Variants in NAA25 observed in about 807,000 individuals in gnomAD.
NAA25 encodes N-alpha-acetyltransferase 25, NatB auxiliary subunit.
NAA25 carries 30 observed loss-of-function variants against 132.5 expected under a neutral mutation model. That is an observed-to-expected ratio of 0.23 (90% CI 0.17 to 0.31). The LOEUF (loss-of-function observed/expected upper bound fraction) is 0.31, where lower values mean the gene tolerates loss of function less well. NAA25 is among the 10% of genes least tolerant of loss of function. The pLI is 1.00. For synonymous variants in NAA25, 359 were observed against 401.9 expected, an observed-to-expected ratio of 0.89 and a Z score of 1.28; for missense variants, 771 against 1,150.4, an observed-to-expected ratio of 0.67 and a Z score of 4.77.
chr12:112,085,492 T>C (rs1443503995), intron 4 of NAA25, among the ~76,000 whole-genome samples: 1 of 152,106 alleles, frequency 6.6e-6, no homozygotes, highest in Non-Finnish European at 1.5e-5. Context: ...CCTGCTTGTC[T>C]CAATTAACAT....
At chr12:112,076,823 C>T (rs1271534032) in intron 7 of NAA25, among the ~76,000 whole-genome samples, 2 of 151,534 alleles carry the variant, frequency 1.3e-5, no homozygotes, top group Non-Finnish European at 2.9e-5. Flanking sequence ...TATTGAGACC[C>T]CACCTCTACA....
At position 112,043,819 on chromosome 12, in the gene NAA25, A is replaced by G; in HGVS notation, c.2056T>C (p.Trp686Arg). 6.2e-7 allele frequency: 1 copy of G among 1,614,098 alleles called. No homozygotes were observed. The highest frequency in any genetic ancestry group is 8.5e-7 in the Non-Finnish European group (1 of 1,179,932). Reference sequence around the variant, plus strand: ...AATGTTAAGGATCGGATTCTTAACCACAAGGTCTCCTCCTCTAAGGAAAGT... The same window carrying G: ...AATGTTAAGGATCGGATTCTTAACCGCAAGGTCTCCTCCTCTAAGGAAAGT... Reference protein sequence around the residue: ...KKLSLEEETLWLRIRSLTLRL... With the variant: ...KKLSLEEETLRLRIRSLTLRL... The change falls in exon 18 of 24, where the codon TGG (tryptophan) becomes CGG (arginine). Residue 686 changes from tryptophan (W) to arginine (R), a missense_variant. Transcript: ENST00000261745.
intron 13 of NAA25, among the ~76,000 whole-genome samples, chr12:112,058,141 C>T (rs955290249): frequency 1.3e-5 from 2 of 151,424 alleles, no homozygotes; most frequent in African/African-American, 4.9e-5. Context: ...AGCGAGACTC[C>T]ATCCCAAAAC....
rs190337282 is a variant in NAA25 at position 112,052,049 on chromosome 12, A to G, written c.1728+1509T>C. Among the ~76,000 whole-genome samples, 429 of 152,368 alleles carry G rather than the reference A, an allele frequency of 2.8e-3. 1 individual carries two copies. Among genetic ancestry groups the G allele is most frequent in the Non-Finnish European group, 4.4e-3 (301 of 68,036 alleles). ...AGCTATTTGAGAAACAAACCTTTGAAAAGGAATCTTCAGTAAATCAAATGT... is the reference window on the plus strand; with the variant it reads ...AGCTATTTGAGAAACAAACCTTTGAGAAGGAATCTTCAGTAAATCAAATGT... On this transcript the variant is annotated intron_variant, in intron 15 of 23. Coordinates refer to ENST00000261745, the MANE Select transcript of NAA25 (RefSeq NM_024953.4).
chr12:112,070,771 G>C (rs2078793374), intron 10 of NAA25, among the ~76,000 whole-genome samples: 1 of 151,978 alleles, frequency 6.6e-6, no homozygotes, highest in Non-Finnish European at 1.5e-5. Flanking sequence ...TTTTGAGACA[G>C]AGTCTCACTC....
chr12:112,087,596 CAT>C, intron 4 of NAA25, 85 bp downstream of exon 4: 2 of 858,168 alleles, frequency 2.3e-6, no homozygotes, highest in Non-Finnish European at 3.9e-6. Flanking sequence ...TACACACACA[CAT>C]ACCCAGTGCA....
chr12:112,078,644 G>A lies in NAA25; in HGVS notation c.575C>T (p.Ala192Val). 6.2e-7 allele frequency: 1 copy of A among 1,613,354 alleles called. No homozygotes were observed. Among genetic ancestry groups the A allele is most frequent in the Non-Finnish European group, 8.5e-7 (1 of 1,179,440 alleles). ...EKMVKEDKIE[A>V]EAEVELYYMI... Reference sequence around the variant, plus strand: ...GCTTAAAATACTCACTTCAGCCTCAGCTTCTATCTTGTCCTCTTTCACCAT... The same window carrying A: ...GCTTAAAATACTCACTTCAGCCTCAACTTCTATCTTGTCCTCTTTCACCAT... Residue 192 changes from alanine to valine, a missense_variant, in exon 6 of 24, where the codon GCT (alanine) becomes GTT (valine). Physicochemically the swap from Ala to Val is moderately conservative, Grantham distance 64 (BLOSUM62 0). Coordinates refer to ENST00000261745, the MANE Select transcript of NAA25 (RefSeq NM_024953.4).
intron 3 of NAA25, among the ~76,000 whole-genome samples, chr12:112,089,640 A>G (rs1013795264): frequency 1.3e-5 from 2 of 152,160 alleles, no homozygotes; most frequent in Non-Finnish European, 2.9e-5. Flanking sequence ...AAGGGAAGCA[A>G]GAGAATAAAA....
chr12:112,105,410 A>T (rs1394381697), intron 1 of NAA25, among the ~76,000 whole-genome samples: 1 of 152,220 alleles, frequency 6.6e-6, no homozygotes, highest in Non-Finnish European at 1.5e-5. Flanking sequence ...GCAAAAGGAG[A>T]CCAAATAATC....
At chr12:112,103,324 T>C (rs2079321041) in intron 1 of NAA25, among the ~76,000 whole-genome samples, 1 of 152,132 alleles carries the variant, frequency 6.6e-6, no homozygotes, top group African/African-American at 2.4e-5. Flanking sequence ...TGTTAACACT[T>C]GGCCAAAACT....
chr12:112,050,815 A>G (rs995321574), intron 15 of NAA25, among the ~76,000 whole-genome samples: 5 of 152,230 alleles, frequency 3.3e-5, no homozygotes, highest in Admixed American at 2.0e-4. Flanking sequence ...TAAGATGACA[A>G]CAGAAAATAA....
At chr12:112,087,906 A>T in intron 3 of NAA25, 105 bp from the exon 4 acceptor site, 1 of 721,150 alleles carries the variant, frequency 1.4e-6, no homozygotes, top group Non-Finnish European at 2.4e-6. Context: ...TCATTATAGA[A>T]GAAGTATCTG....
chr12:112,090,556 G>T, intron 3 of NAA25, 170 bp downstream of exon 3: 1 of 531,362 alleles, frequency 1.9e-6, no homozygotes, highest in Non-Finnish European at 3.2e-6. Context: ...GGATCCTAAT[G>T]CATGTAAACT....
chr12:112,055,883 T>G (rs577640628), intron 13 of NAA25, among the ~76,000 whole-genome samples: 1 of 152,292 alleles, frequency 6.6e-6, no homozygotes, highest in Non-Finnish European at 1.5e-5. Flanking sequence ...TAAGGTAATA[T>G]TCTATATGCT....
intron 1 of NAA25, among the ~76,000 whole-genome samples, chr12:112,100,389 C>T (rs1178073169): frequency 6.6e-6 from 1 of 152,008 alleles, no homozygotes; most frequent in Non-Finnish European, 1.5e-5. Context: ...TCTCGATCTC[C>T]TGACCTCGTG....
rs1201124315 is a variant in NAA25 at position 112,043,759 on chromosome 12, G to C, written c.2116C>G (p.Pro706Ala). The C allele has an allele frequency of 6.2e-7, 1 of 1,614,072 alleles. No individual in the cohort carries two copies. Among genetic ancestry groups the C allele is most frequent in the East Asian group, 2.2e-5 (1 of 44,872 alleles). The part of the protein sequence containing the change: ...LISGLPSLNH[P>A]VEPKNSEKTA... ...TTCTCCGAGTTCTTTGGCTCCACAG[G>C]GTGGTTGAGACTTGGAAGTCCACTT... The change falls in exon 18 of 24, where the codon CCT becomes GCT. Residue 706 changes from proline to alanine, a missense_variant. Physicochemically the swap from Pro to Ala is conservative, Grantham distance 27 (BLOSUM62 -1). Around this residue, in one of 3 missense-constraint regions of NAA25, gnomAD observed 324 missense variants for 400.0 expected, o/e 0.81. Transcript: ENST00000261745.
At chr12:112,104,792 C>T (rs369479091) in intron 1 of NAA25, among the ~76,000 whole-genome samples, 1 of 151,272 alleles carries the variant, frequency 6.6e-6, no homozygotes, top group African/African-American at 2.4e-5. Context: ...GCGGAGATCA[C>T]GCCACTGCAC....
At chr12:112,063,581 C>T (rs1165549837) in intron 11 of NAA25, among the ~76,000 whole-genome samples, 4 of 152,112 alleles carry the variant, frequency 2.6e-5, no homozygotes, top group African/African-American at 4.8e-5. Flanking sequence ...AGCAAACAGG[C>T]ATTTTGGAAT....
At chr12:112,040,267 G>T (rs560486086) in intron 21 of NAA25, 6 of 416,688 alleles carry the variant, frequency 1.4e-5, no homozygotes, top group Non-Finnish European at 2.1e-5. Context: ...CAAATTTCAA[G>T]AAGTTTTACC....
Sources: allele counts gnomAD v4.1 joint callset (sites outside exome capture counted in the v4.1 genomes callset), GRCh38; gene constraint gnomAD v4.1.1; regional missense constraint gnomAD v4.1.1; transcripts MANE v1.5; gene names NCBI Gene and HGNC (gene_info 2026-07-23, HGNC 2026-07-21).